The following RAD51AP1 variants were observed in gnomAD, a reference collection of about 807,000 sequenced individuals.
RAD51AP1 encodes the protein RAD51-associated protein 1.
Under a neutral mutation model 34.3 loss-of-function variants are expected in RAD51AP1, and 14 were observed. The ratio of observed to expected loss-of-function variants is 0.41; its 90% CI spans 0.27 to 0.64. The LOEUF (loss-of-function observed/expected upper bound fraction) is 0.64. Ranked by LOEUF, RAD51AP1 falls within the 30% of genes least tolerant of loss-of-function variation. The pLI is 0.33. For missense variants in RAD51AP1, 348 were observed against 386.9 expected (o/e 0.90, Z 0.84); for synonymous variants, 114 against 129.8 (o/e 0.88, Z 0.83).
intron 7 of RAD51AP1, 51 bp downstream of exon 7, chr12:4,553,198 G>C (rs571688850): frequency 1.4e-6 from 2 of 1,382,802 alleles, no homozygotes; most frequent in Non-Finnish European, 1.9e-6. Context: ...TATGTGGTTT[G>C]TTTGCCGTAT....
rs74061948 is a variant in RAD51AP1, at chr12:4,538,925, G to A, written c.-15G>A. Reference sequence around the variant, plus strand: ...AGAATTTGAGAACTGTAAATACCAAGCCTTGAAAGGGACCATGGTGCGGCC... The same window carrying A: ...AGAATTTGAGAACTGTAAATACCAAACCTTGAAAGGGACCATGGTGCGGCC... On this transcript the variant is annotated 5_prime_UTR_variant, in exon 1 of 9. Coordinates refer to ENST00000352618, the MANE Select transcript of RAD51AP1 (RefSeq NM_006479.5). 1.9e-5 allele frequency: 31 copies of A among 1,614,078 alleles called. No individual in the cohort carries two copies. The highest frequency in any genetic ancestry group is 2.5e-5 in the Non-Finnish European group (30 of 1,179,938).
intron 7 of RAD51AP1, among the ~76,000 whole-genome samples, chr12:4,554,010 C>T (rs1258479750): frequency 6.6e-6 from 1 of 151,810 alleles, no homozygotes. Flanking sequence ...TCTTCTCTCT[C>T]CTGTATTTTG....
chr12:4,540,951 G>A (rs1944462323), intron 1 of RAD51AP1, among the ~76,000 whole-genome samples: 1 of 152,056 alleles, frequency 6.6e-6, no homozygotes, highest in Admixed American at 6.6e-5. Flanking sequence ...TGACAAATTA[G>A]GTTATTCACA....
At position 4,559,142 on chromosome 12, in the gene RAD51AP1, ATGTTCTC is replaced by A. The variant is rs1944603662; in HGVS notation, c.*153_*159del. The A allele has an allele frequency of 2.1e-6, 2 of 935,834 alleles. No homozygotes were observed. Among genetic ancestry groups the A allele is most frequent in the East Asian group, 5.1e-5 (2 of 39,464 alleles). The allele number at this position is 935,834 out of a possible 1,614,324, so 58.0% of individuals were successfully genotyped here. On this transcript the variant is annotated 3_prime_UTR_variant, in exon 9 of 9. Transcript: ENST00000352618. Reference sequence around the variant, plus strand: ...AATGACCTCTAGCCATTTTATGATTATGTTCTCTGTAAAACTCTTCAAGACTTCAATG... The same window carrying A: ...AATGACCTCTAGCCATTTTATGATTATGTAAAACTCTTCAAGACTTCAATG...
Position 4,558,946 on chromosome 12 carries a change from A to G in RAD51AP1, c.961A>G (p.Arg321Gly). The change falls in exon 9 of 9, where the codon AGA becomes GGA. Residue 321 changes from arginine to glycine, a missense_variant. Physicochemically the swap from Arg to Gly is moderately radical, Grantham distance 125. Coordinates refer to ENST00000352618, the MANE Select transcript of RAD51AP1 (RefSeq NM_006479.5). ...PNQSLRLGLS[R>G]LARVKPLHPN... ...TCAGAGTCTCCGCCTTGGCTTGTCC[A>G]GATTAGCACGAGTTAAACCTTTGCA... 1.2e-6 allele frequency: 2 copies of G among 1,614,192 alleles called. No homozygotes were observed. Among genetic ancestry groups the G allele is most frequent in the South Asian group, 2.2e-5 (2 of 91,090 alleles).
intron 7 of RAD51AP1, among the ~76,000 whole-genome samples, chr12:4,553,892 A>G (rs1054668934): frequency 9.9e-5 from 15 of 152,096 alleles, no homozygotes; most frequent in Non-Finnish European, 2.2e-4. Context: ...TAAAAGTTCC[A>G]TTATTTAGTC....
intron 8 of RAD51AP1, 27 bp downstream of exon 8, chr12:4,556,529 G>A (rs1188979677): frequency 6.9e-6 from 11 of 1,593,152 alleles, no homozygotes; most frequent in South Asian, 6.7e-5. Context: ...ATCAAGGACA[G>A]GAGCTTGGAA....
chr12:4,548,053 A>C lies in RAD51AP1; in HGVS notation c.320-39A>C, dbSNP rs368621187. 8 of 1,555,116 alleles carry C rather than the reference A, an allele frequency of 5.1e-6. No homozygotes were observed. The African/African-American group carries it at 9.8e-5, about 19-fold the overall frequency. ...TTTTCCTATATCTAGACATTGATTA[A>C]GATATATCTGAATTTTCTTTCTTAT... On this transcript the variant is annotated intron_variant, in intron 4 of 8. Transcript: ENST00000352618.
chr12:4,559,049 A>T lies in RAD51AP1; in HGVS notation c.*56A>T. ...GAATCACAGCTTTACAAGGGTGTTT[A>T]TATTTGATTTGTGTTTATATTTGAG... On this transcript the variant is annotated 3_prime_UTR_variant, in exon 9 of 9. Coordinates refer to ENST00000352618, the MANE Select transcript of RAD51AP1 (RefSeq NM_006479.5). The T allele has an allele frequency of 3.8e-6, 6 of 1,576,330 alleles. No homozygotes were observed. The highest frequency in any genetic ancestry group is 4.3e-6 in the Non-Finnish European group (5 of 1,153,004).
rs769130106 is a variant in RAD51AP1 at position 4,546,407 on chromosome 12, C to G, written c.308C>G (p.Ser103Cys). The change falls in exon 4 of 9, where the codon TCT becomes TGT. Residue 103 changes from serine (S) to cysteine (C), a missense_variant. Ser to Cys is a moderately radical substitution (Grantham distance 112). Transcript: ENST00000352618. ...ACAGTCACCACTAATGTGCAGAACT[C>G]TCAAGATAAAAGTAACTTTATTTTC... ...LPTVTTNVQN[S>C]QDKSIEKHGS... The G allele has an allele frequency of 2.5e-6, 4 of 1,603,434 alleles. No homozygotes were observed. In the South Asian group the frequency reaches 4.5e-5, roughly 18 times the overall value.
chr12:4,546,182 G>A, intron 3 of RAD51AP1, 127 bp from the exon 4 acceptor site: 1 of 665,458 alleles, frequency 1.5e-6, no homozygotes, highest in Non-Finnish European at 2.6e-6. Context: ...TATTAATGAT[G>A]ATTGTTTAAA....
At chr12:4,555,806 G>A (rs544001594) in intron 7 of RAD51AP1, among the ~76,000 whole-genome samples, 17 of 152,004 alleles carry the variant, frequency 1.1e-4, no homozygotes, top group Non-Finnish European at 2.2e-4. Context: ...TTTCTACTTG[G>A]CATACCTTTA....
At chr12:4,544,609 G>A in intron 3 of RAD51AP1, among the ~76,000 whole-genome samples, 1 of 151,918 alleles carries the variant, frequency 6.6e-6, no homozygotes, top group East Asian at 1.9e-4. Flanking sequence ...GTTTTTGTTT[G>A]TGAGTTTCTT....
chr12:4,548,307 T>C (rs1418825203), intron 5 of RAD51AP1, 129 bp downstream of exon 5: 46 of 1,277,500 alleles, frequency 3.6e-5, no homozygotes, highest in Non-Finnish European at 4.6e-5. Flanking sequence ...GTCATGGCCT[T>C]TATTTCTTTG....
At chr12:4,543,096 T>C (rs768078365) in intron 2 of RAD51AP1, among the ~76,000 whole-genome samples, 1 of 152,194 alleles carries the variant, frequency 6.6e-6, no homozygotes, top group Non-Finnish European at 1.5e-5. Context: ...AGTCTCACTC[T>C]TGCACCTAGG....
chr12:4,557,683 G>C (rs1316318266), intron 8 of RAD51AP1, among the ~76,000 whole-genome samples: 3 of 152,172 alleles, frequency 2.0e-5, no homozygotes, highest in Admixed American at 2.0e-4. Flanking sequence ...ACAGTGGAAT[G>C]ATGGATAAAG....
chr12:4,559,905 G>C lies in RAD51AP1; in HGVS notation c.*912G>C, dbSNP rs945172174. On this transcript the variant is annotated 3_prime_UTR_variant, in exon 9 of 9. Transcript: ENST00000352618. ...ACATTGAGAATTTCAACTAGCTTCT[G>C]ATCAATTTTTAATAAAAAATTTTCA... 11 of 152,032 alleles carry C rather than the reference G, an allele frequency of 7.2e-5. No individual in the cohort carries two copies. The highest frequency in any genetic ancestry group is 2.4e-4 in the African/African-American group (10 of 41,394). The allele number at this position is 152,032 out of a possible 1,614,324, so 9.4% of individuals were successfully genotyped here. A position where few individuals can be genotyped will look rare whatever the true frequency, so the allele number is the denominator to read the frequency against.
intron 1 of RAD51AP1, among the ~76,000 whole-genome samples, chr12:4,540,962 T>G (rs1944462393): frequency 6.6e-6 from 1 of 152,226 alleles, no homozygotes; most frequent in South Asian, 2.1e-4. Flanking sequence ...GTTATTCACA[T>G]TTAGCCATTT....
intron 8 of RAD51AP1, among the ~76,000 whole-genome samples, chr12:4,557,654 ATTAAAAAAAT>A (rs892018408): frequency 3.3e-5 from 5 of 152,218 alleles, no homozygotes; most frequent in Non-Finnish European, 7.3e-5. Flanking sequence ...AAGTAGCATA[ATTAAAAAAAT>A]ACAAGGAAAC....
Sources: allele counts gnomAD v4.1 joint callset (sites outside exome capture counted in the v4.1 genomes callset), GRCh38; gene constraint gnomAD v4.1.1; transcripts MANE v1.5; gene names NCBI Gene and HGNC (gene_info 2026-07-23, HGNC 2026-07-21).